MAP3K7CL: variants seen among roughly 807,000 people sequenced by gnomAD.
MAP3K7CL encodes MAP3K7 C-terminal-like protein.
Under a neutral mutation model 18.6 loss-of-function variants are expected in MAP3K7CL, and 16 were observed. The ratio of observed to expected loss-of-function variants is 0.86; its 90% confidence interval spans 0.58 to 1.31. The LOEUF (loss-of-function observed/expected upper bound fraction) is 1.31. MAP3K7CL is among the 50% of genes most tolerant of loss of function. The pLI is 0.00. For missense variants in MAP3K7CL, 163 were observed against 174.4 expected, an observed-to-expected ratio of 0.93 and a Z score of 0.37; for synonymous variants, 65 against 66.8, an observed-to-expected ratio of 0.97 and a Z score of 0.13.
chr21:29,087,589 CTTTTTTT>C (rs56775764), intron 1 of MAP3K7CL, among the ~76,000 whole-genome samples: 28 of 104,352 alleles, frequency 2.7e-4, no homozygotes, highest in Non-Finnish European at 5.0e-4. Flanking sequence ...TTTTCTTTTT[CTTTTTTT>C]TTTTTTTTTT....
At chr21:29,128,443 C>T (rs2086718620), upstream of MAP3K7CL, among the ~76,000 whole-genome samples, 1 of 152,022 alleles carries the variant, frequency 6.6e-6, no homozygotes, top group African/African-American at 2.4e-5. Context: ...GCTGGGGCTA[C>T]AGGCGCCCAC....
intron 4 of MAP3K7CL, among the ~76,000 whole-genome samples, chr21:29,121,515 A>G (rs2086594364): frequency 6.6e-6 from 1 of 152,122 alleles, no homozygotes; most frequent in African/African-American, 2.4e-5. Context: ...AGGCTCATTC[A>G]GAGCTAAACT....
chr21:29,162,878 G>A (rs1320447324), intron 4 of MAP3K7CL, among the ~76,000 whole-genome samples: 2 of 152,220 alleles, frequency 1.3e-5, no homozygotes, highest in Admixed American at 1.3e-4. Context: ...GGAAAGGCAG[G>A]CGGATCACCT....
chr21:29,134,935 C>T (rs902379648), intron 2 of MAP3K7CL, among the ~76,000 whole-genome samples: 3 of 152,054 alleles, frequency 2.0e-5, no homozygotes, highest in Middle Eastern at 3.4e-3. Context: ...CCTGTAGTCC[C>T]AGCTACTCGG....
chr21:29,109,201 G>T (rs989259714), intron 4 of MAP3K7CL: 1 of 1,535,336 alleles, frequency 6.5e-7, no homozygotes, highest in Admixed American at 2.0e-5. Flanking sequence ...CATAGGGAAG[G>T]GTGGGTAAGT....
At chr21:29,152,691 G>A (rs1266630662) in intron 3 of MAP3K7CL, among the ~76,000 whole-genome samples, 1 of 152,116 alleles carries the variant, frequency 6.6e-6, no homozygotes, top group East Asian at 1.9e-4. Flanking sequence ...GGCAAGGGGT[G>A]TTTCCCTACA....
intron 2 of MAP3K7CL, among the ~76,000 whole-genome samples, chr21:29,148,580 G>A (rs933747262): frequency 1.3e-5 from 2 of 152,118 alleles, no homozygotes; most frequent in Non-Finnish European, 2.9e-5. Flanking sequence ...GGGCTCTGGC[G>A]CTCCCTAACA....
intron 4 of MAP3K7CL, among the ~76,000 whole-genome samples, chr21:29,095,011 T>C (rs568824610): frequency 8.6e-5 from 13 of 150,330 alleles, no homozygotes; most frequent in Admixed American, 4.7e-4. Flanking sequence ...TGAGCTGAGA[T>C]TGCACCACTG....
intron 4 of MAP3K7CL, among the ~76,000 whole-genome samples, chr21:29,118,512 T>C (rs956061009): frequency 1.3e-5 from 2 of 151,966 alleles, no homozygotes; most frequent in African/African-American, 4.8e-5. Context: ...GACAGTGGGA[T>C]GGTAAATGGA....
chr21:29,083,458 T>G (rs1031717853), upstream of MAP3K7CL, among the ~76,000 whole-genome samples: 2 of 152,238 alleles, frequency 1.3e-5, no homozygotes, highest in Non-Finnish European at 2.9e-5. Flanking sequence ...TATCATAGAC[T>G]GTTATCTCTA....
At chr21:29,127,141 T>C (rs962052878), upstream of MAP3K7CL, among the ~76,000 whole-genome samples, 5 of 152,234 alleles carry the variant, frequency 3.3e-5, no homozygotes, top group Non-Finnish European at 5.9e-5. Flanking sequence ...GAGAAATTGA[T>C]ATTGCATAAT....
intron 4 of MAP3K7CL, among the ~76,000 whole-genome samples, chr21:29,170,574 A>G (rs1247493352): frequency 2.0e-5 from 3 of 152,196 alleles, no homozygotes; most frequent in Non-Finnish European, 4.4e-5. Flanking sequence ...AGAGAAAAAT[A>G]GAACAGGAAT....
chr21:29,154,196 C>T (rs2146703540), intron 3 of MAP3K7CL, among the ~76,000 whole-genome samples: 1 of 152,084 alleles, frequency 6.6e-6, no homozygotes, highest in South Asian at 2.1e-4. Flanking sequence ...CAGTCCTTGA[C>T]AAAATAATTG....
intron 1 of MAP3K7CL, chr21:29,131,411 A>G (rs531256246): frequency 3.3e-5 from 5 of 152,298 alleles, no homozygotes; most frequent in African/African-American, 1.2e-4. Flanking sequence ...TGTTAAGGGA[A>G]TTTTAATGGT....
chr21:29,086,902 T>C (rs145478905), intron 1 of MAP3K7CL, among the ~76,000 whole-genome samples: 5 of 152,344 alleles, frequency 3.3e-5, no homozygotes, highest in African/African-American at 1.2e-4. Context: ...GAGTGCTTTA[T>C]GCGTGTTATC....
chr21:29,123,843 A>G (rs2086638491), intron 4 of MAP3K7CL, among the ~76,000 whole-genome samples: 1 of 152,160 alleles, frequency 6.6e-6, no homozygotes, highest in Admixed American at 6.5e-5. Context: ...ATGATGAGAA[A>G]TTTATGTTTT....
intron 4 of MAP3K7CL, among the ~76,000 whole-genome samples, chr21:29,097,818 C>A (rs886145221): frequency 1.3e-5 from 2 of 151,844 alleles, no homozygotes; most frequent in African/African-American, 2.4e-5. Context: ...TGATTTCTAC[C>A]CCCCGCACCC....
intron 4 of MAP3K7CL, among the ~76,000 whole-genome samples, chr21:29,168,072 A>G (rs770744342): frequency 1.3e-5 from 2 of 152,184 alleles, no homozygotes; most frequent in African/African-American, 2.4e-5. Context: ...ATTCCACAGC[A>G]GGGTAACACT....
At chr21:29,085,923 T>G (rs1283835040) in intron 1 of MAP3K7CL, 1 of 1,613,992 alleles carries the variant, frequency 6.2e-7, no homozygotes, top group African/African-American at 1.3e-5. Flanking sequence ...TTAAGGTATG[T>G]CCGCCTTCCC....
Sources: gnomAD v4.1 joint callset for allele counts (sites outside exome capture counted in the v4.1 genomes callset) on GRCh38, gnomAD v4.1.1 for gene constraint, MANE v1.5 for transcripts, NCBI Gene and HGNC (gene_info 2026-07-23, HGNC 2026-07-21) for gene names.